Variants in TDRP observed in about 807,000 individuals in gnomAD.
TDRP encodes the protein testis development related protein.
A neutral mutation model predicts 10.5 loss-of-function variants in TDRP; 12 were observed. The ratio of observed to expected loss-of-function variants is 1.15; its 90% CI spans 0.73 to 1.86. TDRP has a LOEUF of 1.86. TDRP is among the 40% of genes most tolerant of loss of function. TDRP has a pLI of 0.00. For synonymous variants in TDRP, 139 were observed against 95.4 expected, an observed-to-expected ratio of 1.46 and a Z score of -2.67; for missense variants, 353 against 229.2, an observed-to-expected ratio of 1.54 and a Z score of -3.49.
chr8:521,604 T>C (rs1448846046), intron 1 of TDRP, among the ~76,000 whole-genome samples: 1 of 152,230 alleles, frequency 6.6e-6, no homozygotes, highest in Admixed American at 6.5e-5. Flanking sequence ...TCCGTGTTTA[T>C]GCCAATATCA....
intron 1 of TDRP, among the ~76,000 whole-genome samples, chr8:514,441 C>A (rs991569193): frequency 6.6e-6 from 1 of 152,196 alleles, no homozygotes; most frequent in African/African-American, 2.4e-5. Context: ...ACCTGCCTCC[C>A]ACCAAGGGAA....
At chr8:501,248 G>A (rs1015750079) in intron 1 of TDRP, among the ~76,000 whole-genome samples, 7 of 152,074 alleles carry the variant, frequency 4.6e-5, no homozygotes, top group Admixed American at 3.9e-4. Context: ...TAATGCTCGG[G>A]TCAGCTCACT....
rs1244362982 is a variant in TDRP at position 490,129 on chromosome 8, T to TA, written c.*2269_*2270insT. ...CAAACACCCAGAATCAAAACCACAT[T>TA]CTCCCATTAACTTGTGAAGATAATA... On this transcript the variant is annotated 3_prime_UTR_variant, in exon 3 of 3. Coordinates refer to ENST00000324079, the MANE Select transcript of TDRP (RefSeq NM_001384899.1). 1.3e-5 allele frequency: 2 copies of TA among 152,100 alleles called. No homozygotes were observed. The highest frequency in any genetic ancestry group is 2.4e-5 in the African/African-American group (1 of 41,404). The allele number at this position is 152,100 out of a possible 1,614,324, so 9.4% of individuals were successfully genotyped here.
chr8:509,925 G>T (rs1801567048), intron 1 of TDRP, among the ~76,000 whole-genome samples: 1 of 152,152 alleles, frequency 6.6e-6, no homozygotes, highest in South Asian at 2.1e-4. Context: ...GTCAAGCTGG[G>T]AACTGCTTGG....
Position 534,909 on chromosome 8 carries a change from G to C in TDRP, c.108+9741C>G, listed in dbSNP as rs549351241. 1.4e-4 allele frequency among the ~76,000 whole-genome samples: 21 copies of C among 152,254 alleles called. 1 individual carries two copies. The South Asian group carries it at 4.2e-3, about 30-fold the overall frequency. On this transcript the variant is annotated intron_variant, in intron 1 of 2. Coordinates refer to ENST00000324079, the MANE Select transcript of TDRP (RefSeq NM_001384899.1). ...AATGCCCAGCACATGGCAGGCACCA[G>C]TATCATTATCCAGGATTCTATCCTC...
rs68057437 is a variant in TDRP at position 493,993 on chromosome 8, G to GTTTTT, written c.212+496_212+500dup. Among the ~76,000 whole-genome samples the GTTTTT allele has an allele frequency of 5.5e-3, 583 of 106,464 alleles. 12 individuals carry two copies. The highest frequency in any genetic ancestry group is 6.2e-3 in the Non-Finnish European group (334 of 53,738). The allele number at this position is 106,464 out of a possible 152,430, so 69.8% of individuals were successfully genotyped here. On this transcript the variant is annotated intron_variant, in intron 2 of 2. Transcript: ENST00000324079. Reference sequence around the variant, plus strand: ...TCGAACACCACAACTCATTTCTGTTGTTTTTTTTTTTTTTTTTTTTGAGAC... The same window carrying GTTTTT: ...TCGAACACCACAACTCATTTCTGTTGTTTTTTTTTTTTTTTTTTTTTTTTTGAGAC...
At chr8:507,246 T>C (rs528053757) in intron 1 of TDRP, among the ~76,000 whole-genome samples, 149 of 152,200 alleles carry the variant, frequency 9.8e-4, no homozygotes, top group African/African-American at 3.5e-3. Flanking sequence ...GGGATTGCAA[T>C]TCTAGATGAG....
At chr8:496,163 A>T (rs142179649) in intron 1 of TDRP, among the ~76,000 whole-genome samples, 2 of 152,344 alleles carry the variant, frequency 1.3e-5, no homozygotes, top group East Asian at 3.9e-4. Context: ...ACTGAGCATC[A>T]GGTATCAGCT....
At chr8:523,021 A>T (rs1298546792) in intron 1 of TDRP, among the ~76,000 whole-genome samples, 1 of 152,158 alleles carries the variant, frequency 6.6e-6, no homozygotes, top group Non-Finnish European at 1.5e-5. Context: ...CATGGAAAGT[A>T]ATTACTGATA....
chr8:493,993 GTTT>G lies in TDRP; in HGVS notation c.212+498_212+500del, dbSNP rs68057437. ...TCGAACACCACAACTCATTTCTGTTGTTTTTTTTTTTTTTTTTTTTGAGACAGA... is the reference window on the plus strand; with the variant it reads ...TCGAACACCACAACTCATTTCTGTTGTTTTTTTTTTTTTTTTTGAGACAGA... On this transcript the variant is annotated intron_variant, in intron 2 of 2. Coordinates refer to ENST00000324079, the MANE Select transcript of TDRP (RefSeq NM_001384899.1). Among the ~76,000 whole-genome samples, 249 of 106,548 alleles carry G rather than the reference GTTT, an allele frequency of 2.3e-3. 1 individual carries two copies. Among genetic ancestry groups the G allele is most frequent in the African/African-American group, 8.6e-3 (238 of 27,780 alleles). 69.9% of individuals were successfully genotyped at this position (106,548 alleles called of 152,430 possible). A position where few individuals can be genotyped will look rare whatever the true frequency, so the allele number is the denominator to read the frequency against.
chr8:499,382 G>C (rs530229909), intron 1 of TDRP, among the ~76,000 whole-genome samples: 6 of 152,250 alleles, frequency 3.9e-5, no homozygotes, highest in African/African-American at 1.2e-4. Context: ...GCTGGCAGTA[G>C]AACCCACATT....
At chr8:523,697 G>C (rs1323368477) in intron 1 of TDRP, among the ~76,000 whole-genome samples, 1 of 152,174 alleles carries the variant, frequency 6.6e-6, no homozygotes, top group East Asian at 1.9e-4. Flanking sequence ...TAGCCAAGGG[G>C]AGAGGCTCCT....
At position 544,676 on chromosome 8, in the gene TDRP, C is replaced by T; in HGVS notation, c.82G>A (p.Ala28Thr). ...EDGLRGGPPP[A>T]AAAAAQAQVQ... ...TGCGCCTGGGCGGCGGCGGCGGCGG[C>T]CGGTGGCGGCCCCCCACGCAGGCCG... The change falls in exon 1 of 3, where the codon GCC becomes ACC. Residue 28 changes from alanine (A) to threonine (T), a missense_variant. Transcript: ENST00000324079. 1.6e-6 allele frequency: 2 copies of T among 1,240,738 alleles called. No homozygotes were observed. The allele number at this position is 1,240,738 out of a possible 1,614,324, so 76.9% of individuals were successfully genotyped here.
chr8:518,965 G>A (rs1801826406), intron 1 of TDRP, among the ~76,000 whole-genome samples: 1 of 152,132 alleles, frequency 6.6e-6, no homozygotes, highest in Non-Finnish European at 1.5e-5. Flanking sequence ...TGACTGACAG[G>A]AGGCTGGTAG....
chr8:530,783 T>C (rs760456036), intron 1 of TDRP, among the ~76,000 whole-genome samples: 2 of 152,110 alleles, frequency 1.3e-5, no homozygotes, highest in Admixed American at 1.3e-4. Context: ...AAAACAGGAA[T>C]CAGTCTCTTG....
intron 1 of TDRP, among the ~76,000 whole-genome samples, chr8:505,666 C>G (rs1319599756): frequency 2.0e-5 from 3 of 152,222 alleles, no homozygotes; most frequent in South Asian, 2.1e-4. Context: ...CCAATGCCAT[C>G]TGTCAGTGCT....
chr8:545,437 G>T (rs1215995506), upstream of TDRP, among the ~76,000 whole-genome samples: 1 of 84,738 alleles, frequency 1.2e-5, no homozygotes, highest in Non-Finnish European at 2.4e-5. Flanking sequence ...ACTTACTCCC[G>T]GACTGCCCCC....
intron 1 of TDRP, among the ~76,000 whole-genome samples, chr8:525,525 T>C (rs1370133060): frequency 6.6e-6 from 1 of 152,136 alleles, no homozygotes; most frequent in Non-Finnish European, 1.5e-5. Context: ...AAGATATACA[T>C]GGAAACAACA....
At chr8:528,782 T>C (rs997696950) in intron 1 of TDRP, among the ~76,000 whole-genome samples, 2 of 152,196 alleles carry the variant, frequency 1.3e-5, no homozygotes, top group South Asian at 2.1e-4. Flanking sequence ...ATAGGATATA[T>C]ACATATATTT....
Sources: allele counts gnomAD v4.1 joint callset (sites outside exome capture counted in the v4.1 genomes callset), GRCh38; gene constraint gnomAD v4.1.1; transcripts MANE v1.5; gene names NCBI Gene and HGNC (gene_info 2026-07-23, HGNC 2026-07-21).